ST6GALNAC3: variants seen among roughly 807,000 people sequenced by gnomAD.
ST6GALNAC3 encodes the protein alpha-N-acetylgalactosaminide alpha-2,6-sialyltransferase 3.
Under a neutral mutation model 32.7 loss-of-function variants are expected in ST6GALNAC3, and 25 were observed. That is an observed-to-expected ratio of 0.76 (90% CI 0.56 to 1.07). The LOEUF (loss-of-function observed/expected upper bound fraction) is 1.07, where lower values mean the gene tolerates loss of function less well. ST6GALNAC3 is among the 50% of genes least tolerant of loss of function. The pLI is 0.00. For missense variants in ST6GALNAC3, 355 were observed against 382.4 expected (o/e 0.93, Z 0.60); for synonymous variants, 129 against 133.1 (o/e 0.97, Z 0.21).
chr1:76,182,920 G>A (rs1259572361), intron 1 of ST6GALNAC3, among the ~76,000 whole-genome samples: 1 of 151,624 alleles, frequency 6.6e-6, no homozygotes, highest in Non-Finnish European at 1.5e-5. Context: ...ATTTTGACTT[G>A]CCACTTATTT....
intron 2 of ST6GALNAC3, 153 bp from the exon 3 acceptor site, chr1:76,411,855 G>T: frequency 1.4e-6 from 1 of 713,582 alleles, no homozygotes; most frequent in Non-Finnish European, 2.2e-6. Flanking sequence ...TTGATAATCT[G>T]TGGCAGCGAC....
At chr1:76,137,076 T>C (rs1649992279) in intron 1 of ST6GALNAC3, among the ~76,000 whole-genome samples, 2 of 152,202 alleles carry the variant, frequency 1.3e-5, no homozygotes, top group South Asian at 4.1e-4. Context: ...AGAGGAGGAA[T>C]TGAAAACAAG....
intron 1 of ST6GALNAC3, among the ~76,000 whole-genome samples, chr1:76,294,235 A>G (rs1014431482): frequency 8.5e-5 from 13 of 152,092 alleles, no homozygotes; most frequent in Non-Finnish European, 1.8e-4. Context: ...AATTTCTGAA[A>G]CCCAGGACCA....
intron 1 of ST6GALNAC3, among the ~76,000 whole-genome samples, chr1:76,291,611 A>G (rs1660096991): frequency 6.6e-6 from 1 of 152,274 alleles, no homozygotes; most frequent in Admixed American, 6.5e-5. Flanking sequence ...GAAACAAAAT[A>G]AGTAGTAGCT....
intron 3 of ST6GALNAC3, among the ~76,000 whole-genome samples, chr1:76,445,681 T>C (rs760807285): frequency 2.6e-5 from 4 of 152,246 alleles, no homozygotes; most frequent in African/African-American, 4.8e-5. Flanking sequence ...CGTAGTATCT[T>C]ACTGTGCCAG....
intron 2 of ST6GALNAC3, among the ~76,000 whole-genome samples, chr1:76,384,628 T>C (rs2101126595): frequency 6.6e-6 from 1 of 152,204 alleles, no homozygotes; most frequent in Non-Finnish European, 1.5e-5. Flanking sequence ...ATTAATCACA[T>C]ACTGGTCAAT....
chr1:76,107,297 C>CTTTT (rs5775324), intron 1 of ST6GALNAC3, among the ~76,000 whole-genome samples: 9 of 137,690 alleles, frequency 6.5e-5, no homozygotes, highest in African/African-American at 2.4e-4. Context: ...CACACTTTTG[C>CTTTT]TTTTTTTTTT....
At chr1:76,355,113 A>G in intron 2 of ST6GALNAC3, among the ~76,000 whole-genome samples, 1 of 152,112 alleles carries the variant, frequency 6.6e-6, no homozygotes, top group Non-Finnish European at 1.5e-5. Context: ...ATGATTTGGG[A>G]TGAAGTAAAA....
At chr1:76,504,290 T>A (rs1191054146) in intron 3 of ST6GALNAC3, among the ~76,000 whole-genome samples, 1 of 152,154 alleles carries the variant, frequency 6.6e-6, no homozygotes, top group Non-Finnish European at 1.5e-5. Context: ...TGTCTTTTTA[T>A]CTGTTTCTTC....
chr1:76,441,406 C>G (rs950572307), intron 3 of ST6GALNAC3, among the ~76,000 whole-genome samples: 1 of 152,068 alleles, frequency 6.6e-6, no homozygotes, highest in African/African-American at 2.4e-5. Context: ...CTTGCTTAAG[C>G]TAGCAGAGGA....
rs566959063 is a variant in ST6GALNAC3, at chr1:76,556,190, A to G, written c.624-71262A>G. On this transcript the variant is annotated intron_variant, in intron 3 of 4. Transcript: ENST00000328299. Reference sequence around the variant, plus strand: ...AATATTTTCCAGTTTCATCCATGCCATAGTATGTATCTGTACTTCATGATT... The same window carrying G: ...AATATTTTCCAGTTTCATCCATGCCGTAGTATGTATCTGTACTTCATGATT... Among the ~76,000 whole-genome samples the G allele has an allele frequency of 3.3e-5, 5 of 152,220 alleles. No individual in the cohort carries two copies. In the East Asian group the frequency reaches 9.6e-4, roughly 29 times the overall value.
intron 2 of ST6GALNAC3, among the ~76,000 whole-genome samples, chr1:76,316,414 G>A (rs1424875194): frequency 2.0e-5 from 3 of 151,992 alleles, no homozygotes; most frequent in African/African-American, 4.8e-5. Context: ...AATTAGAGTC[G>A]TGCCACATAC....
At chr1:76,318,338 C>G (rs1646905638) in intron 2 of ST6GALNAC3, among the ~76,000 whole-genome samples, 1 of 152,154 alleles carries the variant, frequency 6.6e-6, no homozygotes, top group Non-Finnish European at 1.5e-5. Flanking sequence ...CTCCCCTTCA[C>G]TTTCTCAATG....
chr1:76,562,707 A>G (rs1046506233), intron 3 of ST6GALNAC3, among the ~76,000 whole-genome samples: 1 of 152,214 alleles, frequency 6.6e-6, no homozygotes, highest in Non-Finnish European at 1.5e-5. Context: ...TGCCTTGTAA[A>G]AGTAAATATA....
chr1:76,316,309 C>T (rs529623799), intron 2 of ST6GALNAC3, among the ~76,000 whole-genome samples: 1 of 152,194 alleles, frequency 6.6e-6, no homozygotes, highest in Non-Finnish European at 1.5e-5. Context: ...TGCTCATGAA[C>T]CCGTGCACTG....
chr1:76,128,716 C>G (rs1344443075), intron 1 of ST6GALNAC3, among the ~76,000 whole-genome samples: 1 of 152,190 alleles, frequency 6.6e-6, no homozygotes, highest in Non-Finnish European at 1.5e-5. Context: ...GAATGAGTCT[C>G]ATGGCTCCCT....
chr1:76,340,988 A>T (rs1647917347), intron 2 of ST6GALNAC3, among the ~76,000 whole-genome samples: 2 of 151,846 alleles, frequency 1.3e-5, no homozygotes, highest in South Asian at 4.2e-4. Context: ...TTGGATTATC[A>T]GGTTAGATTC....
At chr1:76,445,606 G>A (rs370769216) in intron 3 of ST6GALNAC3, among the ~76,000 whole-genome samples, 3 of 152,114 alleles carry the variant, frequency 2.0e-5, no homozygotes, top group East Asian at 1.9e-4. Context: ...TTTTCTTCCA[G>A]CAATATTTTG....
intron 3 of ST6GALNAC3, among the ~76,000 whole-genome samples, chr1:76,420,794 T>A (rs1019347649): frequency 7.2e-5 from 11 of 152,012 alleles, no homozygotes; most frequent in Admixed American, 7.2e-4. Context: ...CACTTCCCCC[T>A]GTCACCATGC....
Sources: gnomAD v4.1 joint callset for allele counts (sites outside exome capture counted in the v4.1 genomes callset) on GRCh38, gnomAD v4.1.1 for gene constraint, MANE v1.5 for transcripts, NCBI Gene and HGNC (gene_info 2026-07-23, HGNC 2026-07-21) for gene names.